TIAM2: variants seen among roughly 807,000 people sequenced by gnomAD.
The protein encoded by TIAM2 is TIAM Rac1 associated GEF 2, also known as rho guanine nucleotide exchange factor TIAM2.
In TIAM2, 80 loss-of-function variants were observed where a neutral mutation model predicts 152.9. The observed-to-expected ratio is 0.52, with a 90% CI of 0.44 to 0.63. The LOEUF (loss-of-function observed/expected upper bound fraction) is 0.63. Among genes scored for constraint, TIAM2 ranks in the 30% least tolerant of loss-of-function variants. The pLI is 0.00. For synonymous variants in TIAM2, 804 were observed against 838.0 expected (o/e 0.96, Z 0.70); for missense variants, 1,965 against 2,120.1 (o/e 0.93, Z 1.44).
intron 1 of TIAM2, among the ~76,000 whole-genome samples, chr6:155,038,678 A>G (rs1776965340): frequency 1.3e-5 from 2 of 152,208 alleles, no homozygotes; most frequent in South Asian, 4.1e-4. Flanking sequence ...CATGCCTGTA[A>G]TTGCAGTATT....
At chr6:155,138,223 T>C (rs916445219) in intron 5 of TIAM2, among the ~76,000 whole-genome samples, 1 of 152,196 alleles carries the variant, frequency 6.6e-6, no homozygotes, top group African/African-American at 2.4e-5. Flanking sequence ...CCATTTTCGC[T>C]GGATTTGGAG....
At chr6:155,032,097 T>TTTTGACCCAGA (rs60202900) in intron 1 of TIAM2, among the ~76,000 whole-genome samples, 2 of 151,858 alleles carry the variant, frequency 1.3e-5, no homozygotes, top group Admixed American at 6.6e-5. Context: ...GGAAAAAAGG[T>TTTTGACCCAGA]GGGAGAGGTC....
chr6:155,143,579 G>A (rs572493316), intron 5 of TIAM2, among the ~76,000 whole-genome samples: 6 of 152,284 alleles, frequency 3.9e-5, no homozygotes, highest in South Asian at 2.1e-4. Flanking sequence ...AGAACAAACC[G>A]GGTACTTTCT....
chr6:155,256,739 A>G lies in TIAM2; in HGVS notation c.4724A>G (p.His1575Arg), dbSNP rs1422485817. 1.2e-6 allele frequency: 2 copies of G among 1,614,076 alleles called. No individual in the cohort carries two copies. Among genetic ancestry groups the G allele is most frequent in the African/African-American group, 1.3e-5 (1 of 74,920 alleles). ...SDILSDEDDD[H>R]RQTVKQGSPT... is the part of the protein sequence containing the mutation. ...ATCCTGAGCGATGAAGATGATGACC[A>G]CCGTCAGACTGTGAAGCAGGGCAGC... The change falls in exon 27 of 27, where the codon CAC (histidine) becomes CGC (arginine). Residue 1575 changes from histidine to arginine, a missense_variant. This residue lies in a region of TIAM2 where 935 missense variants were observed against 980.0 expected (regional missense o/e 0.95). Transcript: ENST00000682666.
chr6:155,124,465 G>A (rs1370896403), intron 2 of TIAM2, among the ~76,000 whole-genome samples: 1 of 152,168 alleles, frequency 6.6e-6, no homozygotes, highest in Non-Finnish European at 1.5e-5. Context: ...TGAGTAGCTG[G>A]GATTACAGGC....
At chr6:155,031,976 C>T (rs561685509) in intron 1 of TIAM2, among the ~76,000 whole-genome samples, 5 of 152,154 alleles carry the variant, frequency 3.3e-5, no homozygotes, top group African/African-American at 9.6e-5. Flanking sequence ...ATATCAACTG[C>T]GACTAGGGGC....
At chr6:155,077,140 ACTC>A (rs1474799374) in intron 1 of TIAM2, among the ~76,000 whole-genome samples, 2 of 151,528 alleles carry the variant, frequency 1.3e-5, no homozygotes, top group Non-Finnish European at 2.9e-5. Flanking sequence ...TGTTCTATAA[ACTC>A]CTAAAGCATG....
At chr6:155,002,038 A>G (rs1381296766) in intron 1 of TIAM2, among the ~76,000 whole-genome samples, 2 of 152,246 alleles carry the variant, frequency 1.3e-5, no homozygotes, top group Admixed American at 1.3e-4. Flanking sequence ...TCTGTGCCTT[A>G]AGATTTTCAT....
intron 1 of TIAM2, among the ~76,000 whole-genome samples, chr6:155,055,391 A>G (rs1020291727): frequency 1.3e-5 from 2 of 152,256 alleles, no homozygotes; most frequent in Non-Finnish European, 1.5e-5. Flanking sequence ...AATCCATTTT[A>G]GAAAGCAAGA....
chr6:155,025,818 TCAAACACA>T (rs1246750577), intron 1 of TIAM2, among the ~76,000 whole-genome samples: 3 of 79,572 alleles, frequency 3.8e-5, no homozygotes, highest in Admixed American at 1.7e-4. Flanking sequence ...CACCTCCCCC[TCAAACACA>T]CACACACACA....
intron 2 of TIAM2, among the ~76,000 whole-genome samples, chr6:155,108,344 A>G (rs1778748529): frequency 6.6e-6 from 1 of 152,100 alleles, no homozygotes; most frequent in African/African-American, 2.4e-5. Context: ...TATTTTATTG[A>G]TGACTTTTCC....
intron 1 of TIAM2, among the ~76,000 whole-genome samples, chr6:155,024,637 A>G (rs1776561811): frequency 7.9e-6 from 1 of 126,316 alleles, no homozygotes; most frequent in Non-Finnish European, 1.7e-5. Flanking sequence ...CAAATGTGGT[A>G]TAAATCCATG....
At chr6:155,188,375 C>A (rs537172653) in intron 14 of TIAM2, among the ~76,000 whole-genome samples, 5 of 152,310 alleles carry the variant, frequency 3.3e-5, no homozygotes, top group Non-Finnish European at 7.3e-5. Context: ...TATGGAGAAT[C>A]GTTGAGGGTT....
At position 155,211,321 on chromosome 6, in the gene TIAM2, C is replaced by T; in HGVS notation, c.3168+14C>T. ...CAGACATTCAGGGTAAGATACTGGC[C>T]CAAATCGCAAACCAAGAACCAGGCA... On this transcript the variant is annotated intron_variant, in intron 15 of 26. Coordinates refer to ENST00000682666, the MANE Select transcript of TIAM2 (RefSeq NM_012454.4). 1 of 1,609,044 alleles carries T rather than the reference C, an allele frequency of 6.2e-7. No homozygotes were observed. The highest frequency in any genetic ancestry group is 8.5e-7 in the Non-Finnish European group (1 of 1,176,144).
intron 9 of TIAM2, 151 bp downstream of exon 9, chr6:155,165,560 G>A: frequency 8.7e-7 from 1 of 1,148,068 alleles, no homozygotes; most frequent in Non-Finnish European, 1.2e-6. Flanking sequence ...AGCACACTGG[G>A]AGGGCAAGGC....
At chr6:155,051,033 G>A (rs1777305968) in intron 1 of TIAM2, among the ~76,000 whole-genome samples, 1 of 152,180 alleles carries the variant, frequency 6.6e-6, no homozygotes, top group African/African-American at 2.4e-5. Context: ...TTGACACAGA[G>A]CAAAGGGATT....
At chr6:155,013,186 G>A (rs1007212833) in intron 1 of TIAM2, among the ~76,000 whole-genome samples, 1 of 151,174 alleles carries the variant, frequency 6.6e-6, no homozygotes, top group Non-Finnish European at 1.5e-5. Context: ...GGCTCCTGTA[G>A]TACAGCTGAG....
intron 1 of TIAM2, among the ~76,000 whole-genome samples, chr6:155,078,424 T>A (rs1778000165): frequency 1.3e-5 from 2 of 152,166 alleles, no homozygotes; most frequent in Admixed American, 1.3e-4. Context: ...CCTTATCTGC[T>A]TTTCTCCTTG....
chr6:155,166,256 T>C (rs1374835232), intron 9 of TIAM2, among the ~76,000 whole-genome samples: 1 of 152,044 alleles, frequency 6.6e-6, no homozygotes, highest in African/African-American at 2.4e-5. Context: ...CACTGGAAAA[T>C]TGCTAGTGCT....
Sources: allele counts gnomAD v4.1 joint callset (sites outside exome capture counted in the v4.1 genomes callset), GRCh38; gene constraint gnomAD v4.1.1; regional missense constraint gnomAD v4.1.1; transcripts MANE v1.5; gene names NCBI Gene and HGNC (gene_info 2026-07-23, HGNC 2026-07-21).